RBFOX1: variants seen among roughly 807,000 people sequenced by gnomAD.
The protein encoded by RBFOX1 is RNA binding protein fox-1 homolog 1.
Under a neutral mutation model 57.7 loss-of-function variants are expected in RBFOX1, and 8 were observed. That is an observed-to-expected ratio of 0.14 (90% CI 0.08 to 0.25). RBFOX1 has a LOEUF of 0.25. RBFOX1 is among the 10% of genes least tolerant of loss of function. The pLI is 1.00. For synonymous variants in RBFOX1, 326 were observed against 222.4 expected (o/e 1.47, Z -4.15); for missense variants, 611 against 548.5 (o/e 1.11, Z -1.14).
chr16:5,252,171 T>G lies in RBFOX1; in HGVS notation c.219+12066T>G, dbSNP rs145244312. Reference sequence around the variant, plus strand: ...GGGAAGTGTGGAAGGGTGGGGACCCTCATCACAGCCCTTGACTCTCTAAGG... The same window carrying G: ...GGGAAGTGTGGAAGGGTGGGGACCCGCATCACAGCCCTTGACTCTCTAAGG... On this transcript the variant is annotated intron_variant, in intron 1 of 2. Transcript: ENST00000585867. Among the ~76,000 whole-genome samples the G allele has an allele frequency of 2.1e-3, 319 of 152,310 alleles. 2 individuals are homozygous for G. Among genetic ancestry groups the G allele is most frequent in the African/African-American group, 7.3e-3 (304 of 41,570 alleles).
chr16:6,730,500 A>G (rs1291487971), intron 3 of RBFOX1, among the ~76,000 whole-genome samples: 2 of 152,104 alleles, frequency 1.3e-5, no homozygotes, highest in Non-Finnish European at 2.9e-5. Flanking sequence ...TAATCTATCT[A>G]TCCATCTATC....
intron 3 of RBFOX1, among the ~76,000 whole-genome samples, chr16:6,910,263 T>G (rs543517104): frequency 3.3e-5 from 5 of 152,246 alleles, no homozygotes; most frequent in African/African-American, 1.2e-4. Context: ...AGGCATTTTC[T>G]CCATACTTCC....
At chr16:7,172,469 C>T (rs987564772) in intron 4 of RBFOX1, among the ~76,000 whole-genome samples, 1 of 152,182 alleles carries the variant, frequency 6.6e-6, no homozygotes, top group Non-Finnish European at 1.5e-5. Flanking sequence ...CCCACAACCA[C>T]CCTTTGATCC....
intron 3 of RBFOX1, among the ~76,000 whole-genome samples, chr16:6,822,396 C>A (rs946835667): frequency 4.6e-5 from 7 of 152,148 alleles, no homozygotes; most frequent in African/African-American, 1.7e-4. Context: ...AGGGGAGATG[C>A]CAGCAAGTCT....
intron 4 of RBFOX1, among the ~76,000 whole-genome samples, chr16:5,993,622 T>G: frequency 6.6e-6 from 1 of 152,130 alleles, no homozygotes. Context: ...TGTTTAAGAT[T>G]AATGAGGCAT....
chr16:5,780,100 T>A (rs2054278879), intron 3 of RBFOX1, among the ~76,000 whole-genome samples: 1 of 152,206 alleles, frequency 6.6e-6, no homozygotes, highest in Non-Finnish European at 1.5e-5. Context: ...CCTCCCAGGT[T>A]TTAAGGAGTT....
At chr16:6,096,199 G>A (rs755527851) in intron 1 of RBFOX1, among the ~76,000 whole-genome samples, 1 of 152,182 alleles carries the variant, frequency 6.6e-6, no homozygotes, top group African/African-American at 2.4e-5. Context: ...GGAAATCCCA[G>A]GAGAAGAGCA....
At chr16:7,614,736 C>T (rs2058144528) in intron 10 of RBFOX1, 1 of 152,156 alleles carries the variant, frequency 6.6e-6, no homozygotes, top group African/African-American at 2.4e-5. Flanking sequence ...CTCAAACCAT[C>T]AACAACAGCA....
At position 6,491,190 on chromosome 16, in the gene RBFOX1, A is replaced by T. The variant is rs10431958; in HGVS notation, c.-63-163413A>T. 6.1e-3 allele frequency among the ~76,000 whole-genome samples: 929 copies of T among 151,980 alleles called. 6 individuals carry two copies. The highest frequency in any genetic ancestry group is 0.025 in the East Asian group (130 of 5,164). Reference sequence around the variant, plus strand: ...CATAGTCTATAGTCTATTTATATGTACATATAAACTATATATAGATATATA... The same window carrying T: ...CATAGTCTATAGTCTATTTATATGTTCATATAAACTATATATAGATATATA... On this transcript the variant is annotated intron_variant, in intron 2 of 15. Transcript: ENST00000550418.
chr16:6,154,119 G>C (rs565652203), intron 1 of RBFOX1, among the ~76,000 whole-genome samples: 2 of 152,300 alleles, frequency 1.3e-5, no homozygotes, highest in South Asian at 4.1e-4. Flanking sequence ...ATGTTCCTGC[G>C]TCATAATCTC....
At chr16:7,371,104 G>T (rs1414310467) in intron 4 of RBFOX1, among the ~76,000 whole-genome samples, 1 of 152,156 alleles carries the variant, frequency 6.6e-6, no homozygotes, top group Non-Finnish European at 1.5e-5. Flanking sequence ...AAGCCTGTCT[G>T]ATGTTTTCAT....
At chr16:6,481,947 T>C (rs929757631) in intron 2 of RBFOX1, among the ~76,000 whole-genome samples, 2 of 152,156 alleles carry the variant, frequency 1.3e-5, no homozygotes, top group Admixed American at 1.3e-4. Context: ...CTCGTTTTGT[T>C]CCTGGTATGA....
intron 1 of RBFOX1, among the ~76,000 whole-genome samples, chr16:6,211,534 G>C (rs1034449465): frequency 6.6e-6 from 1 of 152,040 alleles, no homozygotes. Flanking sequence ...AGCCAATCTA[G>C]TTAACTCTTG....
intron 1 of RBFOX1, among the ~76,000 whole-genome samples, chr16:5,333,322 G>A (rs2064809041): frequency 1.3e-5 from 2 of 152,170 alleles, no homozygotes; most frequent in Non-Finnish European, 2.9e-5. Context: ...TTGGAACATG[G>A]TCACGCCCAT....
intron 3 of RBFOX1, among the ~76,000 whole-genome samples, chr16:6,722,120 G>T (rs574299110): frequency 6.6e-6 from 1 of 152,192 alleles, no homozygotes; most frequent in African/African-American, 2.4e-5. Context: ...CGGTTGCACA[G>T]ATATCTCTCT....
At chr16:5,340,447 C>T (rs1008685731) in intron 1 of RBFOX1, among the ~76,000 whole-genome samples, 46 of 152,168 alleles carry the variant, frequency 3.0e-4, no homozygotes, top group Non-Finnish European at 3.8e-4. Context: ...AGAAATAATT[C>T]TATGATCTGT....
chr16:5,777,731 T>C (rs74804738), intron 3 of RBFOX1, among the ~76,000 whole-genome samples: 5,554 of 152,222 alleles, frequency 0.036, 314 homozygotes, highest in African/African-American at 0.12. Context: ...ACACAATACA[T>C]ACATAAAATT....
rs1465677879 is a variant in RBFOX1, at chr16:7,379,786, C to T, written c.28-138361C>T. Among the ~76,000 whole-genome samples the T allele has an allele frequency of 2.7e-5, 4 of 150,548 alleles. No homozygotes were observed. In the South Asian group the frequency reaches 8.5e-4, roughly 32 times the overall value. On this transcript the variant is annotated intron_variant, in intron 4 of 15. Transcript: ENST00000550418. The stretch of plus-strand genomic sequence containing the variant: ...CCTGCCTTCCTGCCTTCCGTCCTGC[C>T]TGCCTGCCTCCCTGCCTGCCTGCCT...
At chr16:7,003,383 C>T (rs1489347913) in intron 3 of RBFOX1, among the ~76,000 whole-genome samples, 2 of 151,532 alleles carry the variant, frequency 1.3e-5, no homozygotes, top group Admixed American at 6.6e-5. Context: ...TCACTTAGAC[C>T]TGGGAGGCGG....
Sources: allele counts gnomAD v4.1 joint callset (sites outside exome capture counted in the v4.1 genomes callset), GRCh38; gene constraint gnomAD v4.1.1; transcripts MANE v1.5; gene names NCBI Gene and HGNC (gene_info 2026-07-23, HGNC 2026-07-21).